WWC2: variants seen among roughly 807,000 people sequenced by gnomAD.
WWC2 encodes WW and C2 domain containing 2.
A neutral mutation model predicts 138.5 loss-of-function variants in WWC2; 101 were observed. The observed-to-expected ratio is 0.73, with a 90% CI of 0.62 to 0.86. The LOEUF (loss-of-function observed/expected upper bound fraction) is 0.86, where lower values mean the gene tolerates loss of function less well. Among genes scored for constraint, WWC2 ranks in the 40% least tolerant of loss-of-function variants. The pLI is 0.00. For synonymous variants in WWC2, 558 were observed against 538.4 expected, an observed-to-expected ratio of 1.04 and a Z score of -0.50; for missense variants, 1,420 against 1,419.4, an observed-to-expected ratio of 1.00 and a Z score of -0.01.
intron 21 of WWC2, among the ~76,000 whole-genome samples, chr4:183,310,596 G>A (rs1056506300): frequency 2.0e-5 from 3 of 151,698 alleles, no homozygotes; most frequent in African/African-American, 7.3e-5. Flanking sequence ...AAACTCCCAG[G>A]CTCAAGTGAT....
chr4:183,206,368 T>A (rs1735447031), intron 2 of WWC2, among the ~76,000 whole-genome samples: 2 of 152,288 alleles, frequency 1.3e-5, no homozygotes, highest in African/African-American at 2.4e-5. Context: ...TGTCCCAAAT[T>A]ATCCCCTGTT....
chr4:183,106,141 G>A (rs1157255117), intron 1 of WWC2, among the ~76,000 whole-genome samples: 6 of 151,854 alleles, frequency 4.0e-5, no homozygotes, highest in African/African-American at 7.3e-5. Flanking sequence ...TCGCCACCAC[G>A]CCCAGCTAGT....
intron 1 of WWC2, among the ~76,000 whole-genome samples, chr4:183,112,518 C>T (rs1041661681): frequency 7.2e-5 from 11 of 152,218 alleles, no homozygotes; most frequent in African/African-American, 2.7e-4. Flanking sequence ...ACTGACTTCA[C>T]CACCTAGTCA....
intron 1 of WWC2, among the ~76,000 whole-genome samples, chr4:183,146,339 A>G (rs1419466162): frequency 6.6e-6 from 1 of 152,216 alleles, no homozygotes; most frequent in Non-Finnish European, 1.5e-5. Flanking sequence ...GAGAAAAAAA[A>G]GAAGGAGGAA....
At chr4:183,232,074 A>T (rs1038932340) in intron 4 of WWC2, among the ~76,000 whole-genome samples, 20 of 152,190 alleles carry the variant, frequency 1.3e-4, no homozygotes, top group African/African-American at 4.8e-4. Flanking sequence ...CTGACACACC[A>T]CTGGAAAGGT....
At chr4:183,284,158 C>A in intron 18 of WWC2, 68 bp from the exon 19 acceptor site, 1 of 1,567,114 alleles carries the variant, frequency 6.4e-7, no homozygotes, top group Non-Finnish European at 8.7e-7. Context: ...TTTTTTCTTT[C>A]TTAGAAGAAA....
intron 1 of WWC2, among the ~76,000 whole-genome samples, chr4:183,111,935 C>A (rs914098776): frequency 6.6e-6 from 1 of 152,196 alleles, no homozygotes; most frequent in East Asian, 1.9e-4. Context: ...TGGCCTCAAG[C>A]ATTTCTCCCA....
At chr4:183,191,371 G>C (rs1734985744) in intron 1 of WWC2, among the ~76,000 whole-genome samples, 1 of 152,010 alleles carries the variant, frequency 6.6e-6, no homozygotes, top group African/African-American at 2.4e-5. Flanking sequence ...TAACATGTTT[G>C]AGATTCATTT....
At chr4:183,249,522 T>G (rs1736907051) in intron 7 of WWC2, among the ~76,000 whole-genome samples, 2 of 152,220 alleles carry the variant, frequency 1.3e-5, no homozygotes, top group Non-Finnish European at 2.9e-5. Flanking sequence ...TTAGTTTATA[T>G]TTTGTACAGT....
Position 183,261,126 on chromosome 4 carries a change from C to T in WWC2, c.1503C>T (p.Pro501=), listed in dbSNP as rs1309661222. The T allele has an allele frequency of 6.2e-7, 1 of 1,613,852 alleles. No homozygotes were observed. Residue 501 remains proline (P), a synonymous_variant, in exon 11 of 23, where the codon CCC becomes CCT. Coordinates refer to ENST00000403733, the MANE Select transcript of WWC2 (RefSeq NM_024949.6). ...AAAGCGGTTACATTCCTTCTGGACC[C>T]ATCACCACCATCCATGAAAACGAGG... ...QEKSGYIPSG[P]ITTIHENEVV...
chr4:183,250,113 C>T (rs555536291), intron 8 of WWC2, 120 bp downstream of exon 8: 40 of 874,600 alleles, frequency 4.6e-5, no homozygotes, highest in African/African-American at 2.6e-4. Flanking sequence ...GGCCACCCTT[C>T]GGTTTTAGCA....
In WWC2 at chr4:183,312,412, C is replaced by G. The variant is rs757052313; in HGVS notation, c.3456C>G (p.Asp1152Glu). 3.1e-6 allele frequency: 5 copies of G among 1,613,808 alleles called. No homozygotes were observed. Among genetic ancestry groups the G allele is most frequent in the Admixed American group, 3.3e-5 (2 of 60,016 alleles). The change falls in exon 22 of 23, where the codon GAC (aspartate) becomes GAG (glutamate). Residue 1152 changes from aspartate to glutamate, a missense_variant. By Grantham distance (45) the Asp-to-Glu change is conservative. Transcript: ENST00000403733. ...AGTTGATGAGGCAAGTCTCCAAGGA[C>G]GTGTGTCGGCTCCGGGAGCAGAGCC... Reference protein sequence around the residue: ...AEKLMRQVSKDVCRLREQSQK... With the variant: ...AEKLMRQVSKEVCRLREQSQK...
chr4:183,223,378 G>T (rs1187952575), intron 4 of WWC2, among the ~76,000 whole-genome samples: 1 of 152,202 alleles, frequency 6.6e-6, no homozygotes, highest in East Asian at 1.9e-4. Context: ...TGAGTAGAGA[G>T]AATAGTATAA....
At chr4:183,266,146 A>G (rs1737497025) in intron 14 of WWC2, among the ~76,000 whole-genome samples, 195 bp downstream of exon 14, 1 of 152,210 alleles carries the variant, frequency 6.6e-6, no homozygotes, top group Non-Finnish European at 1.5e-5. Flanking sequence ...ATTCTTACTC[A>G]ACTGATTCTT....
At chr4:183,266,045 A>T in intron 14 of WWC2, 94 bp downstream of exon 14, 1 of 1,241,514 alleles carries the variant, frequency 8.1e-7, no homozygotes, top group Non-Finnish European at 1.1e-6. Context: ...CAAAATGAAG[A>T]TACGGAAAAG....
Position 183,105,538 on chromosome 4 carries a change from G to T in WWC2, c.131+5916G>T, listed in dbSNP as rs1367405837. 4.6e-5 allele frequency among the ~76,000 whole-genome samples: 7 copies of T among 152,216 alleles called. No homozygotes were observed. In the East Asian group the frequency reaches 1.3e-3, roughly 29 times the overall value. ...ATTCCTTATGATAGGGCTTGAGTCT[G>T]TATGTATGCCCTGGTTCCTATGAAC... On this transcript the variant is annotated intron_variant, in intron 1 of 22. Coordinates refer to ENST00000403733, the MANE Select transcript of WWC2 (RefSeq NM_024949.6).
chr4:183,193,838 A>T (rs116378068), intron 2 of WWC2, 130 bp downstream of exon 2: 1 of 765,498 alleles, frequency 1.3e-6, no homozygotes, highest in Non-Finnish European at 2.2e-6. Flanking sequence ...ACTAATATTT[A>T]ACTGAAGTGC....
At chr4:183,292,253 G>GAC (rs200933944) in intron 21 of WWC2, among the ~76,000 whole-genome samples, 146 of 150,894 alleles carry the variant, frequency 9.7e-4, no homozygotes, top group East Asian at 7.2e-3. Context: ...CAAACACACA[G>GAC]ACACACACAC....
At chr4:183,221,480 T>C (rs527791090) in intron 4 of WWC2, among the ~76,000 whole-genome samples, 1 of 152,280 alleles carries the variant, frequency 6.6e-6, no homozygotes, top group South Asian at 2.1e-4. Flanking sequence ...ACACGGAACA[T>C]CACAAAAGTA....
Sources: gnomAD v4.1 joint callset for allele counts (sites outside exome capture counted in the v4.1 genomes callset) on GRCh38, gnomAD v4.1.1 for gene constraint, MANE v1.5 for transcripts, NCBI Gene and HGNC (gene_info 2026-07-23, HGNC 2026-07-21) for gene names.